CNTN3: variants seen among roughly 807,000 people sequenced by gnomAD.
CNTN3 encodes contactin-3.
In CNTN3, 60 loss-of-function variants were observed where a neutral mutation model predicts 119.1. The ratio of observed to expected loss-of-function variants is 0.50; its 90% CI spans 0.41 to 0.62. The LOEUF (loss-of-function observed/expected upper bound fraction) is 0.62, where lower values mean the gene tolerates loss of function less well. CNTN3 is among the 20% of genes least tolerant of loss of function. The probability of loss-of-function intolerance (pLI) is 0.00; values close to 1 mark genes in which losing one functional copy is unlikely to be tolerated. For synonymous variants in CNTN3, 450 were observed against 438.7 expected (o/e 1.03, Z -0.32); for missense variants, 1,101 against 1,242.4 (o/e 0.89, Z 1.71).
intron 1 of CNTN3, among the ~76,000 whole-genome samples, chr3:74,596,043 A>ATAGT: frequency 1.3e-5 from 2 of 151,930 alleles, no homozygotes; most frequent in African/African-American, 4.8e-5. Context: ...TTATACACCA[A>ATAGT]AAACAGACAG....
intron 1 of CNTN3, among the ~76,000 whole-genome samples, chr3:74,606,373 T>C (rs1304774698): frequency 6.6e-6 from 1 of 152,006 alleles, no homozygotes; most frequent in Non-Finnish European, 1.5e-5. Flanking sequence ...CACAAGTTTA[T>C]GATTTGGGAT....
chr3:74,287,094 T>G (rs887935019), intron 19 of CNTN3, among the ~76,000 whole-genome samples: 7 of 152,194 alleles, frequency 4.6e-5, no homozygotes, highest in African/African-American at 1.7e-4. Flanking sequence ...CCTCCCTCCT[T>G]CCTATGGCAG....
chr3:74,322,341 C>G (rs1427171499), intron 13 of CNTN3, among the ~76,000 whole-genome samples: 1 of 151,990 alleles, frequency 6.6e-6, no homozygotes, highest in Non-Finnish European at 1.5e-5. Context: ...GGGCAAAAGA[C>G]CTGAACCAAC....
intron 4 of CNTN3, among the ~76,000 whole-genome samples, chr3:74,461,011 A>G (rs979229193): frequency 2.0e-5 from 3 of 151,520 alleles, no homozygotes; most frequent in African/African-American, 7.3e-5. Context: ...AGTTAAAATA[A>G]TTACCTTGAA....
chr3:74,599,209 T>C (rs777768834), intron 1 of CNTN3, among the ~76,000 whole-genome samples: 3 of 152,112 alleles, frequency 2.0e-5, no homozygotes, highest in Non-Finnish European at 4.4e-5. Context: ...GAGAACCTAC[T>C]CTATGCCAGG....
chr3:74,408,198 T>G (rs1031769222), intron 5 of CNTN3, among the ~76,000 whole-genome samples: 20 of 152,190 alleles, frequency 1.3e-4, no homozygotes, highest in African/African-American at 4.8e-4. Context: ...TTCCCACTGG[T>G]CTTGCAAGTT....
intron 4 of CNTN3, among the ~76,000 whole-genome samples, chr3:74,457,840 C>G (rs1384173811): frequency 1.3e-5 from 2 of 151,772 alleles, no homozygotes; most frequent in African/African-American, 2.4e-5. Context: ...GAAACACAAC[C>G]ACACCTGACA....
chr3:74,466,483 A>AT (rs2106988500), intron 4 of CNTN3, among the ~76,000 whole-genome samples: 1 of 152,340 alleles, frequency 6.6e-6, no homozygotes, highest in Admixed American at 6.5e-5. Context: ...ATCATTATGC[A>AT]TTAAGAGGCA....
intron 5 of CNTN3, among the ~76,000 whole-genome samples, chr3:74,418,342 C>CTTTCTTTTTT (rs372400495): frequency 2.0e-5 from 2 of 99,632 alleles, no homozygotes; most frequent in African/African-American, 3.9e-5. Context: ...AAACATATTC[C>CTTTCTTTTTT]TTTTTTTTTT....
At chr3:74,599,321 G>T (rs892888445) in intron 1 of CNTN3, among the ~76,000 whole-genome samples, 21 of 152,088 alleles carry the variant, frequency 1.4e-4, no homozygotes, top group African/African-American at 4.8e-4. Context: ...ATAAAGAAAA[G>T]CAGAGCAAAA....
intron 11 of CNTN3, among the ~76,000 whole-genome samples, chr3:74,357,724 T>C (rs890752143): frequency 3.3e-5 from 5 of 152,146 alleles, no homozygotes; most frequent in Non-Finnish European, 5.9e-5. Context: ...AGAGAAAGCT[T>C]TCATCTTTAT....
chr3:74,468,005 C>G (rs7429595), intron 4 of CNTN3, among the ~76,000 whole-genome samples: 107,412 of 152,074 alleles, frequency 0.71, 38,256 homozygotes, highest in African/African-American at 0.79. Context: ...AAGAAAACCC[C>G]CATGGAAGAA....
chr3:74,542,951 C>A (rs1703862285), intron 1 of CNTN3, among the ~76,000 whole-genome samples: 1 of 152,064 alleles, frequency 6.6e-6, no homozygotes, highest in African/African-American at 2.4e-5. Flanking sequence ...AGATTCCCAT[C>A]TCTACAAAAA....
intron 11 of CNTN3, among the ~76,000 whole-genome samples, chr3:74,360,264 T>C (rs1246096262): frequency 6.6e-6 from 1 of 152,206 alleles, no homozygotes; most frequent in East Asian, 1.9e-4. Flanking sequence ...TTATTGTTTG[T>C]TTGTATTCCT....
intron 2 of CNTN3, among the ~76,000 whole-genome samples, chr3:74,509,171 G>T (rs1703318495): frequency 6.6e-6 from 1 of 152,120 alleles, no homozygotes; most frequent in African/African-American, 2.4e-5. Context: ...ATAAACACAT[G>T]CACATTCTAA....
chr3:74,594,875 G>C (rs1254927509), intron 1 of CNTN3, among the ~76,000 whole-genome samples: 1 of 151,910 alleles, frequency 6.6e-6, no homozygotes, highest in Admixed American at 6.6e-5. Context: ...TCGCCACACT[G>C]ACTTCCACAA....
chr3:74,377,901 T>C (rs1559571536), intron 5 of CNTN3, among the ~76,000 whole-genome samples: 1 of 152,198 alleles, frequency 6.6e-6, no homozygotes, highest in Admixed American at 6.5e-5. Context: ...AATACTGACA[T>C]TCAAGTTTTT....
At chr3:74,336,436 G>T in intron 12 of CNTN3, 95 bp downstream of exon 12, 2 of 1,315,212 alleles carry the variant, frequency 1.5e-6, no homozygotes, top group Non-Finnish European at 2.2e-6. Context: ...CCTTCATAGT[G>T]TACTGAACAT....
chr3:74,546,845 G>A (rs866505171), intron 1 of CNTN3, among the ~76,000 whole-genome samples: 5 of 152,282 alleles, frequency 3.3e-5, no homozygotes, highest in Middle Eastern at 6.8e-3. Flanking sequence ...TATGAGTTGT[G>A]TCCTTCTAGA....
Sources: gnomAD v4.1 joint callset for allele counts (sites outside exome capture counted in the v4.1 genomes callset) on GRCh38, gnomAD v4.1.1 for gene constraint, MANE v1.5 for transcripts, NCBI Gene and HGNC (gene_info 2026-07-23, HGNC 2026-07-21) for gene names.